CDH3: variants seen among roughly 807,000 people sequenced by gnomAD.
CDH3 encodes cadherin-3.
CDH3 carries 54 observed loss-of-function variants against 82.0 expected under a neutral mutation model. That is an observed-to-expected ratio of 0.66 (90% CI 0.53 to 0.83). The LOEUF (loss-of-function observed/expected upper bound fraction) is 0.83. Among genes scored for constraint, CDH3 ranks in the 40% least tolerant of loss-of-function variants. The pLI is 0.00. For synonymous variants in CDH3, 446 were observed against 437.9 expected (o/e 1.02, Z -0.23); for missense variants, 1,054 against 1,084.6 (o/e 0.97, Z 0.40).
downstream of CDH3, among the ~76,000 whole-genome samples, chr16:68,728,766 G>C (rs929555331): frequency 9.9e-5 from 15 of 152,204 alleles, no homozygotes; most frequent in Non-Finnish European, 2.1e-4. Context: ...GGGGCTGATG[G>C]AGAATTTGAT....
chr16:68,671,155 C>CTT (rs777512178), intron 2 of CDH3, among the ~76,000 whole-genome samples: 5 of 139,422 alleles, frequency 3.6e-5, no homozygotes, highest in Middle Eastern at 3.7e-3. Context: ...GATTGATGTA[C>CTT]TTTTTTTTTT....
At chr16:68,691,271 C>T (rs1295636925) in intron 12 of CDH3, among the ~76,000 whole-genome samples, 3 of 151,918 alleles carry the variant, frequency 2.0e-5, no homozygotes. Flanking sequence ...CTCAAAGTGC[C>T]GGGATTGCAG....
At chr16:68,686,711 C>A in intron 11 of CDH3, 1 of 745,022 alleles carries the variant, frequency 1.3e-6, no homozygotes, top group South Asian at 1.4e-5. Context: ...GGAATGGCAT[C>A]AACGTGAAGC....
intron 2 of CDH3, among the ~76,000 whole-genome samples, chr16:68,663,862 A>G (rs1237680285): frequency 1.3e-5 from 2 of 151,866 alleles, no homozygotes; most frequent in African/African-American, 4.8e-5. Context: ...CATGTGCACA[A>G]TGTGCAGGTT....
At position 68,678,170 on chromosome 16, in the gene CDH3, A is replaced by G. The variant is rs1375906157; in HGVS notation, c.283A>G (p.Ile95Val). The change falls in exon 4 of 16, where the codon ATC (isoleucine) becomes GTC (valine). Residue 95 changes from isoleucine (I) to valine (V), a missense_variant. Ile to Val is a conservative substitution (Grantham distance 29). Coordinates refer to ENST00000264012, the MANE Select transcript of CDH3 (RefSeq NM_001793.6). ...ACTGAAGGAAAGGAATCCATTGAAG[A>G]TCTTCCCATCCAAACGTATCTTACG... Reference protein sequence around the residue: ...RSLKERNPLKIFPSKRILRRH... With the variant: ...RSLKERNPLKVFPSKRILRRH... 6.2e-7 allele frequency: 1 copy of G among 1,613,924 alleles called. No homozygotes were observed. The highest frequency in any genetic ancestry group is 8.5e-7 in the Non-Finnish European group (1 of 1,179,802).
chr16:68,708,342 T>G (rs1286820869), intron 1 of CDH3, among the ~76,000 whole-genome samples: 1 of 151,542 alleles, frequency 6.6e-6, no homozygotes, highest in Non-Finnish European at 1.5e-5. Context: ...AAAAAAAAGA[T>G]AATTAGTAGG....
intron 1 of CDH3, among the ~76,000 whole-genome samples, chr16:68,721,453 C>G (rs981610882): frequency 2.0e-5 from 3 of 151,860 alleles, no homozygotes; most frequent in Non-Finnish European, 2.9e-5. Context: ...AGGCTGGTCT[C>G]GAACTCCTAA....
intron 2 of CDH3, among the ~76,000 whole-genome samples, chr16:68,649,866 T>C (rs1431861047): frequency 6.6e-6 from 1 of 152,080 alleles, no homozygotes; most frequent in Non-Finnish European, 1.5e-5. Context: ...AAATCCCGTA[T>C]CTACTAAAAA....
At chr16:68,712,606 T>C (rs2152110252) in intron 1 of CDH3, among the ~76,000 whole-genome samples, 1 of 152,230 alleles carries the variant, frequency 6.6e-6, no homozygotes, top group South Asian at 2.1e-4. Flanking sequence ...GAAGATGTTA[T>C]AATCCCCATT....
chr16:68,670,371 G>A lies in CDH3; in HGVS notation c.161-6014G>A, dbSNP rs150423305. 3.4e-4 allele frequency among the ~76,000 whole-genome samples: 51 copies of A among 151,896 alleles called. No individual in the cohort carries two copies. The East Asian group carries it at 9.1e-3, about 27-fold the overall frequency. On this transcript the variant is annotated intron_variant, in intron 2 of 15. Coordinates refer to ENST00000264012, the MANE Select transcript of CDH3 (RefSeq NM_001793.6). ...TCGACCTTTGGCTAGTCATCTCACC[G>A]CCACCACCCCTCACCCCCAGCCCTA...
intron 2 of CDH3, among the ~76,000 whole-genome samples, chr16:68,649,588 CCACAGTCGGTGTTT>C (rs1352887051): frequency 6.6e-6 from 1 of 152,136 alleles, no homozygotes; most frequent in African/African-American, 2.4e-5. Flanking sequence ...TCCATTTGGT[CCACAGTCGGTGTTT>C]CACATTATCT....
At chr16:68,705,531 C>T (rs1961950807) in intron 1 of CDH3, among the ~76,000 whole-genome samples, 1 of 151,984 alleles carries the variant, frequency 6.6e-6, no homozygotes, top group African/African-American at 2.4e-5. Flanking sequence ...AAGTGATCCT[C>T]CTGCCTCAGC....
chr16:68,645,411 T>C lies in CDH3; in HGVS notation c.32T>C (p.Leu11Pro). ...CTCCCTCGTGGACCTCTCGCGTCTC[T>C]CCTCCTTCTCCAGGTACTCCACAGC... The part of the protein sequence containing the change: MGLPRGPLAS[L>P]LLLQVCWLQC... Residue 11 changes from leucine to proline, a missense_variant, in exon 1 of 16, where the codon CTC (leucine) becomes CCC (proline). Transcript: ENST00000264012. 1 of 1,613,052 alleles carries C rather than the reference T, an allele frequency of 6.2e-7. No homozygotes were observed.
chr16:68,718,018 T>C (rs1702520982), intron 1 of CDH3, among the ~76,000 whole-genome samples: 1 of 151,050 alleles, frequency 6.6e-6, no homozygotes, highest in Admixed American at 6.6e-5. Flanking sequence ...CTCATTCTGT[T>C]GCCCAGGCTG....
intron 6 of CDH3, 34 bp from the exon 7 acceptor site, chr16:68,679,765 C>T: frequency 7.3e-7 from 1 of 1,372,964 alleles, no homozygotes; most frequent in Non-Finnish European, 1.0e-6. Context: ...GGAGTTGGAA[C>T]TGGGAGGAAA....
At chr16:68,671,843 C>T (rs1312888234) in intron 2 of CDH3, among the ~76,000 whole-genome samples, 1 of 152,068 alleles carries the variant, frequency 6.6e-6, no homozygotes, top group Non-Finnish European at 1.5e-5. Flanking sequence ...ACCTTAATTA[C>T]CTCTTTAAGG....
chr16:68,703,614 C>G (rs1961923334), downstream of CDH3, among the ~76,000 whole-genome samples: 1 of 152,236 alleles, frequency 6.6e-6, no homozygotes, highest in African/African-American at 2.4e-5. Context: ...AGGCCCTGGA[C>G]AAACCACATA....
At position 68,678,523 on chromosome 16, in the gene CDH3, A is replaced by G; in HGVS notation, c.413A>G (p.Asp138Gly). The G allele has an allele frequency of 6.2e-7, 1 of 1,614,236 alleles. No individual in the cohort carries two copies. Among genetic ancestry groups the G allele is most frequent in the South Asian group, 1.1e-5 (1 of 91,080 alleles). The part of the protein sequence containing the change: ...LNQLKSNKDR[D>G]TKIFYSITGP... ...CAGCTCAAGTCTAATAAAGATAGAGACACCAAGATTTTCTACAGCATCACG... is the reference window on the plus strand; with the variant it reads ...CAGCTCAAGTCTAATAAAGATAGAGGCACCAAGATTTTCTACAGCATCACG... The change falls in exon 5 of 16, where the codon GAC (aspartate) becomes GGC (glycine). Residue 138 changes from aspartate (D) to glycine (G), a missense_variant. Transcript: ENST00000264012.
downstream of CDH3, among the ~76,000 whole-genome samples, chr16:68,731,698 G>A (rs115467421): frequency 2.4e-3 from 358 of 151,654 alleles, 5 homozygotes; most frequent in African/African-American, 8.4e-3. Context: ...TTAACCTGGT[G>A]TGGTGGCTCA....
Sources: gnomAD v4.1 joint callset for allele counts (sites outside exome capture counted in the v4.1 genomes callset) on GRCh38, gnomAD v4.1.1 for gene constraint, MANE v1.5 for transcripts, NCBI Gene and HGNC (gene_info 2026-07-23, HGNC 2026-07-21) for gene names.